The following CSMD1 variants were observed in gnomAD, a reference collection of about 807,000 sequenced individuals.
CSMD1 encodes CUB and Sushi multiple domains 1.
In CSMD1, 213 loss-of-function variants were observed where a neutral mutation model predicts 417.5. The observed-to-expected ratio is 0.51, with a 90% CI of 0.46 to 0.57. The LOEUF (loss-of-function observed/expected upper bound fraction) is 0.57. CSMD1 is among the 20% of genes least tolerant of loss of function. CSMD1 has a pLI of 0.00. For missense variants in CSMD1, 6,923 were observed against 4,529.7 expected (o/e 1.53, Z -15.17); for synonymous variants, 2,862 against 1,736.8 (o/e 1.65, Z -16.11).
At chr8:4,347,417 T>C (rs1188550255) in intron 3 of CSMD1, among the ~76,000 whole-genome samples, 2 of 152,128 alleles carry the variant, frequency 1.3e-5, no homozygotes, top group Non-Finnish European at 2.9e-5. Flanking sequence ...ATAGGTAACA[T>C]TACTTAAATA....
In CSMD1 at chr8:3,095,776, G is replaced by A. The variant is rs182291386; in HGVS notation, c.7138+1073C>T. Among the ~76,000 whole-genome samples the A allele has an allele frequency of 2.5e-3, 384 of 152,104 alleles. 1 individual carries two copies. Among genetic ancestry groups the A allele is most frequent in the African/African-American group, 8.9e-3 (369 of 41,496 alleles). ...CTGGTCTAATTTTCTGGGCTATGACGGTTTCACACAAAGAGAAATATTAAC... is the reference window on the plus strand; with the variant it reads ...CTGGTCTAATTTTCTGGGCTATGACAGTTTCACACAAAGAGAAATATTAAC... On this transcript the variant is annotated intron_variant, in intron 47 of 69. Transcript: ENST00000635120.
chr8:4,864,359 A>G (rs1212644426), intron 1 of CSMD1, among the ~76,000 whole-genome samples: 1 of 151,954 alleles, frequency 6.6e-6, no homozygotes, highest in Non-Finnish European at 1.5e-5. Context: ...ACAAAAAACA[A>G]GTAATTACGT....
At chr8:3,876,675 T>C (rs1454578910) in intron 5 of CSMD1, among the ~76,000 whole-genome samples, 1 of 152,220 alleles carries the variant, frequency 6.6e-6, no homozygotes, top group Non-Finnish European at 1.5e-5. Flanking sequence ...AGTGGTGCTA[T>C]CAGTGCGCAC....
intron 49 of CSMD1, among the ~76,000 whole-genome samples, chr8:3,061,297 C>A (rs561644481): frequency 6.6e-6 from 1 of 152,144 alleles, no homozygotes; most frequent in Non-Finnish European, 1.5e-5. Flanking sequence ...CAAATAGTCA[C>A]ATTTATTATT....
chr8:3,376,351 G>C (rs1810300407), intron 18 of CSMD1, among the ~76,000 whole-genome samples: 1 of 151,984 alleles, frequency 6.6e-6, no homozygotes, highest in Non-Finnish European at 1.5e-5. Flanking sequence ...AAACATATTT[G>C]AATTGGGAAG....
At chr8:4,111,474 G>T (rs1279249738) in intron 3 of CSMD1, among the ~76,000 whole-genome samples, 1 of 152,176 alleles carries the variant, frequency 6.6e-6, no homozygotes, top group Non-Finnish European at 1.5e-5. Context: ...GCACGAGTAT[G>T]TTCATTGCAG....
chr8:4,495,199 A>G (rs188450256), intron 2 of CSMD1, among the ~76,000 whole-genome samples: 1 of 152,254 alleles, frequency 6.6e-6, no homozygotes, highest in African/African-American at 2.4e-5. Context: ...TTCATGAGAA[A>G]TCCTGGGATT....
chr8:4,971,728 T>G (rs141813909), intron 1 of CSMD1, among the ~76,000 whole-genome samples: 5,052 of 151,738 alleles, frequency 0.033, 95 homozygotes, highest in Middle Eastern at 0.13. Flanking sequence ...ATGATTACAT[T>G]CTTCATATAA....
At chr8:3,617,052 T>TA (rs1345513305) in intron 7 of CSMD1, among the ~76,000 whole-genome samples, 4 of 152,242 alleles carry the variant, frequency 2.6e-5, no homozygotes, top group South Asian at 2.1e-4. Flanking sequence ...CAAAATTTAA[T>TA]AAAAAATCTC....
intron 5 of CSMD1, among the ~76,000 whole-genome samples, chr8:3,895,580 A>T (rs375503455): frequency 5.9e-5 from 9 of 152,340 alleles, no homozygotes; most frequent in African/African-American, 2.2e-4. Flanking sequence ...ATATGGATTT[A>T]CCTTTCTAAT....
chr8:3,897,268 T>C (rs577656454), intron 5 of CSMD1, among the ~76,000 whole-genome samples: 16 of 152,272 alleles, frequency 1.1e-4, no homozygotes, highest in African/African-American at 3.6e-4. Flanking sequence ...ATAGTGTGAC[T>C]AGCAATTTTA....
At position 3,142,554 on chromosome 8, in the gene CSMD1, G is replaced by T. The variant is rs1202905155; in HGVS notation, c.6152C>A (p.Ala2051Glu). 6.2e-7 allele frequency: 1 copy of T among 1,613,864 alleles called. No individual in the cohort carries two copies. The highest frequency in any genetic ancestry group is 1.3e-5 in the African/African-American group (1 of 74,916). Residue 2051 changes from alanine (A) to glutamate (E), a missense_variant, in exon 41 of 70, where the codon GCG (alanine) becomes GAG (glutamate). Ala to Glu is a moderately radical substitution (Grantham distance 107, BLOSUM62 -1). Transcript: ENST00000635120. ...IGQFSGTDLP[A>E]ALLSTTHETL... ...TTCATGCGTTGTGCTCAGCAGGGCCGCGGGGAGATCCGTGCCGCTAAATTG... is the reference window on the plus strand; with the variant it reads ...TTCATGCGTTGTGCTCAGCAGGGCCTCGGGGAGATCCGTGCCGCTAAATTG...
chr8:4,447,706 T>C (rs932951128), intron 2 of CSMD1, among the ~76,000 whole-genome samples: 1 of 152,162 alleles, frequency 6.6e-6, no homozygotes, highest in African/African-American at 2.4e-5. Flanking sequence ...AGTGCACTCA[T>C]AGTTAATAAA....
Position 3,065,300 on chromosome 8 carries a change from TAGGTAGATAGATAGATAGAC to T in CSMD1, c.7475-12673_7475-12654del, listed in dbSNP as rs1222478764. Among the ~76,000 whole-genome samples the T allele has an allele frequency of 6.5e-3, 861 of 131,914 alleles. 7 individuals carry two copies. The highest frequency in any genetic ancestry group is 0.022 in the African/African-American group (811 of 36,630). The allele number at this position is 131,914 out of a possible 152,430, so 86.5% of individuals were successfully genotyped here. A position where few individuals can be genotyped will look rare whatever the true frequency, so the allele number is the denominator to read the frequency against. On this transcript the variant is annotated intron_variant, in intron 49 of 69. Transcript: ENST00000635120. ...TATGATACATAGATAGATAGATAGA[TAGGTAGATAGATAGATAGAC>T]AGACAGACAACAGATAGAAAGATAG...
At chr8:3,794,934 T>C (rs1342847494) in intron 5 of CSMD1, among the ~76,000 whole-genome samples, 1 of 151,956 alleles carries the variant, frequency 6.6e-6, no homozygotes, top group Non-Finnish European at 1.5e-5. Flanking sequence ...TCTAACCTTC[T>C]AATGTATAGC....
rs571271215 is a variant in CSMD1 at position 2,995,975 on chromosome 8, C to T, written c.8377+2036G>A. Among the ~76,000 whole-genome samples, 3 of 152,250 alleles carry T rather than the reference C, an allele frequency of 2.0e-5. No homozygotes were observed. In the South Asian group the frequency reaches 6.2e-4, roughly 32 times the overall value. On this transcript the variant is annotated intron_variant, in intron 54 of 69. Coordinates refer to ENST00000635120, the MANE Select transcript of CSMD1 (RefSeq NM_033225.6). Reference sequence around the variant, plus strand: ...TGATAATGGACATTCTCCATCTTGACCACATCAATGTCCATATGCTGGTTG... The same window carrying T: ...TGATAATGGACATTCTCCATCTTGATCACATCAATGTCCATATGCTGGTTG...
chr8:4,174,234 G>A (rs1404102663), intron 3 of CSMD1, among the ~76,000 whole-genome samples: 1 of 152,136 alleles, frequency 6.6e-6, no homozygotes, highest in Non-Finnish European at 1.5e-5. Context: ...CGTCTTGAAA[G>A]CAAAGCGCTA....
chr8:3,938,826 T>C (rs1810678933), intron 5 of CSMD1, among the ~76,000 whole-genome samples: 1 of 152,162 alleles, frequency 6.6e-6, no homozygotes, highest in Non-Finnish European at 1.5e-5. Context: ...TTAGCTAACA[T>C]ATCTTTATTT....
At chr8:3,499,466 C>T (rs1796503015) in intron 10 of CSMD1, among the ~76,000 whole-genome samples, 1 of 151,996 alleles carries the variant, frequency 6.6e-6, no homozygotes, top group African/African-American at 2.4e-5. Context: ...CCCTGGGGAG[C>T]ATGTGTGAGC....
Sources: gnomAD v4.1 joint callset for allele counts (sites outside exome capture counted in the v4.1 genomes callset) on GRCh38, gnomAD v4.1.1 for gene constraint, MANE v1.5 for transcripts, NCBI Gene and HGNC (gene_info 2026-07-23, HGNC 2026-07-21) for gene names.